The following PCSK2 variants were observed in gnomAD, a reference collection of about 807,000 sequenced individuals.
PCSK2 encodes the protein proprotein convertase subtilisin/kexin type 2.
In PCSK2, 14 loss-of-function variants were observed where a neutral mutation model predicts 69.7. The ratio of observed to expected loss-of-function variants is 0.20; its 90% CI spans 0.13 to 0.31. The LOEUF (loss-of-function observed/expected upper bound fraction) is 0.31. Ranked by LOEUF, PCSK2 falls within the 10% of genes least tolerant of loss-of-function variation. The pLI is 1.00. For synonymous variants in PCSK2, 307 were observed against 320.7 expected, an observed-to-expected ratio of 0.96 and a Z score of 0.46; for missense variants, 544 against 842.5, an observed-to-expected ratio of 0.65 and a Z score of 4.39.
At chr20:17,240,339 T>C (rs567973083) in intron 1 of PCSK2, among the ~76,000 whole-genome samples, 22 of 152,230 alleles carry the variant, frequency 1.4e-4, no homozygotes, top group African/African-American at 4.6e-4. Flanking sequence ...ACAACTTATC[T>C]GTGTTGTCCC....
chr20:17,388,563 C>T (rs2031294477), intron 5 of PCSK2, among the ~76,000 whole-genome samples: 1 of 152,016 alleles, frequency 6.6e-6, no homozygotes, highest in Admixed American at 6.6e-5. Context: ...ACATATATCT[C>T]TAAAAAAAGC....
intron 2 of PCSK2, among the ~76,000 whole-genome samples, chr20:17,283,792 T>C (rs1211592125): frequency 6.6e-6 from 1 of 152,206 alleles, no homozygotes; most frequent in Non-Finnish European, 1.5e-5. Context: ...CACTTCACGT[T>C]GCTTACCCTA....
chr20:17,227,210 C>A lies in PCSK2; in HGVS notation c.-96C>A. The A allele has an allele frequency of 2.5e-6, 2 of 805,110 alleles. No homozygotes were observed. The highest frequency in any genetic ancestry group is 4.1e-6 in the Non-Finnish European group (2 of 493,300). The allele number at this position is 805,110 out of a possible 1,614,324, so 49.9% of individuals were successfully genotyped here. A position where few individuals can be genotyped will look rare whatever the true frequency, so the allele number is the denominator to read the frequency against. On this transcript the variant is annotated 5_prime_UTR_variant, in exon 1 of 12. Transcript: ENST00000262545. ...CTCTATACAAAGATTTTTTTAAAAACTATATATAAGAATTCTTTATTTGCA... is the reference window on the plus strand; with the variant it reads ...CTCTATACAAAGATTTTTTTAAAAAATATATATAAGAATTCTTTATTTGCA...
intron 1 of PCSK2, among the ~76,000 whole-genome samples, chr20:17,259,595 C>T (rs1227406327): frequency 2.0e-5 from 3 of 152,282 alleles, no homozygotes; most frequent in Non-Finnish European, 2.9e-5. Flanking sequence ...CTTAGAGGCC[C>T]TGTGCCAAAG....
At chr20:17,454,833 G>A (rs576694909) in intron 9 of PCSK2, among the ~76,000 whole-genome samples, 14 of 152,124 alleles carry the variant, frequency 9.2e-5, no homozygotes, top group African/African-American at 2.4e-4. Flanking sequence ...CCAGTGTTTC[G>A]ATCCCACGCT....
chr20:17,295,175 T>G (rs1988844873), intron 2 of PCSK2, among the ~76,000 whole-genome samples: 1 of 151,962 alleles, frequency 6.6e-6, no homozygotes, highest in African/African-American at 2.4e-5. Flanking sequence ...TCCCTGCATT[T>G]TCAGTTGTTT....
At chr20:17,356,927 G>T (rs1436355908) in intron 2 of PCSK2, among the ~76,000 whole-genome samples, 1 of 152,042 alleles carries the variant, frequency 6.6e-6, no homozygotes, top group Non-Finnish European at 1.5e-5. Flanking sequence ...GCAGCAGGCG[G>T]GCACCTAGAA....
At chr20:17,305,132 G>A (rs1466434100) in intron 2 of PCSK2, among the ~76,000 whole-genome samples, 2 of 152,072 alleles carry the variant, frequency 1.3e-5, no homozygotes, top group Admixed American at 1.3e-4. Context: ...TGACAAAGCA[G>A]CATTTTCCAA....
At chr20:17,464,839 G>T in intron 10 of PCSK2, 1 of 179,436 alleles carries the variant, frequency 5.6e-6, no homozygotes, top group Non-Finnish European at 1.2e-5. Context: ...ACAGTTTGGG[G>T]CTAGGAGCAT....
chr20:17,369,145 G>A, intron 4 of PCSK2, 95 bp from the exon 5 acceptor site: 2 of 1,034,722 alleles, frequency 1.9e-6, no homozygotes, highest in Non-Finnish European at 3.0e-6. Flanking sequence ...TCTGGCACCA[G>A]CCCCATAAAG....
chr20:17,269,993 A>AT (rs1987798671), intron 2 of PCSK2, among the ~76,000 whole-genome samples: 1 of 152,060 alleles, frequency 6.6e-6, no homozygotes, highest in South Asian at 2.1e-4. Flanking sequence ...AAGATTCAAA[A>AT]TTTTTTCTAG....
At chr20:17,342,834 T>C (rs1990545678) in intron 2 of PCSK2, among the ~76,000 whole-genome samples, 1 of 151,948 alleles carries the variant, frequency 6.6e-6, no homozygotes, top group African/African-American at 2.4e-5. Context: ...TTCTTTTTTT[T>C]TGGTAGAGAT....
intron 2 of PCSK2, among the ~76,000 whole-genome samples, chr20:17,331,114 A>G (rs1990194501): frequency 6.6e-6 from 1 of 152,164 alleles, no homozygotes; most frequent in African/African-American, 2.4e-5. Context: ...GTAAGCACCC[A>G]AAGAACTGAC....
chr20:17,353,995 T>C (rs1007345400), intron 2 of PCSK2, among the ~76,000 whole-genome samples: 2 of 152,136 alleles, frequency 1.3e-5, no homozygotes, highest in Non-Finnish European at 2.9e-5. Context: ...TGGGGACTAC[T>C]AGAAAAGAGG....
chr20:17,286,504 A>C (rs1249506258), intron 2 of PCSK2, among the ~76,000 whole-genome samples: 1 of 152,154 alleles, frequency 6.6e-6, no homozygotes, highest in African/African-American at 2.4e-5. Flanking sequence ...CACACCTAGA[A>C]TGTGTCAGAT....
At chr20:17,474,398 T>G (rs1024717225) in intron 11 of PCSK2, among the ~76,000 whole-genome samples, 1 of 152,180 alleles carries the variant, frequency 6.6e-6, no homozygotes, top group African/African-American at 2.4e-5. Flanking sequence ...CAAGTTTGTG[T>G]GTTTGTCCCT....
At position 17,392,388 on chromosome 20, in the gene PCSK2, T is replaced by A. The variant is rs530183346; in HGVS notation, c.544-16875T>A. 1.1e-4 allele frequency among the ~76,000 whole-genome samples: 16 copies of A among 152,366 alleles called. No homozygotes were observed. In the South Asian group the frequency reaches 2.3e-3, roughly 22 times the overall value. On this transcript the variant is annotated intron_variant, in intron 5 of 11. Coordinates refer to ENST00000262545, the MANE Select transcript of PCSK2 (RefSeq NM_002594.5). The stretch of plus-strand genomic sequence containing the variant: ...CCAAAGCAGTGATTAGAAATCATCA[T>A]AATTTTCTACCAGGAGAAGAGCACT...
intron 2 of PCSK2, among the ~76,000 whole-genome samples, chr20:17,299,723 A>G (rs746594878): frequency 1.3e-5 from 2 of 151,726 alleles, no homozygotes; most frequent in Non-Finnish European, 2.9e-5. Flanking sequence ...CGCTAATCCA[A>G]TTTTTCACAT....
chr20:17,358,390 G>T lies in PCSK2; in HGVS notation c.346G>T (p.Glu116Ter). The T allele has an allele frequency of 6.2e-7, 1 of 1,612,866 alleles. No individual in the cohort carries two copies. The highest frequency in any genetic ancestry group is 8.5e-7 in the Non-Finnish European group (1 of 1,178,872). The change falls in exon 3 of 12, where the codon GAG (glutamate) becomes TAG (stop). Residue 116 changes from glutamate to a stop codon, truncating the protein, a stop_gained. Coordinates refer to ENST00000262545, the MANE Select transcript of PCSK2 (RefSeq NM_002594.5). LOFTEE classifies it high-confidence loss of function. ...AAAGCGAGGTTACAGAGACATCAAT[G>T]AGATCGACATCAACATGAACGATCC... ...RKKRGYRDIN[E>*]IDINMNDPLF...
Sources: allele counts gnomAD v4.1 joint callset (sites outside exome capture counted in the v4.1 genomes callset), GRCh38; gene constraint gnomAD v4.1.1; transcripts MANE v1.5; gene names NCBI Gene and HGNC (gene_info 2026-07-23, HGNC 2026-07-21).